SYCP1: variants seen among roughly 807,000 people sequenced by gnomAD.
The protein encoded by SYCP1 is synaptonemal complex protein 1.
SYCP1 carries 64 observed loss-of-function variants against 153.1 expected under a neutral mutation model. The observed-to-expected ratio is 0.42, with a 90% confidence interval of 0.34 to 0.51. The LOEUF (loss-of-function observed/expected upper bound fraction) is 0.51, where lower values mean the gene tolerates loss of function less well. Among genes scored for constraint, SYCP1 ranks in the 20% least tolerant of loss-of-function variants. SYCP1 has a pLI of 0.06. For missense variants in SYCP1, 997 were observed against 1,049.0 expected (o/e 0.95, Z 0.68); for synonymous variants, 384 against 341.8 (o/e 1.12, Z -1.36).
intron 8 of SYCP1, among the ~76,000 whole-genome samples, chr1:114,867,888 A>G (rs1043047156): frequency 2.0e-5 from 3 of 152,062 alleles, no homozygotes; most frequent in Non-Finnish European, 4.4e-5. Context: ...GATATTAGCT[A>G]TAGGTTTCTG....
chr1:114,989,309 T>C (rs1673749192), intron 30 of SYCP1, among the ~76,000 whole-genome samples: 1 of 152,012 alleles, frequency 6.6e-6, no homozygotes. Flanking sequence ...GGAAGTTAAA[T>C]GTAATCTCCA....
intron 11 of SYCP1, among the ~76,000 whole-genome samples, chr1:114,877,763 C>T (rs1665640232): frequency 6.6e-6 from 1 of 152,114 alleles, no homozygotes. Flanking sequence ...CATTCTGGAG[C>T]TGAATTGGGC....
At position 114,957,327 on chromosome 1, in the gene SYCP1, C is replaced by A. The variant is rs1436336742; in HGVS notation, c.2322+10007C>A. ...GTTTACTTAGATGTAAGACCTGAAA[C>A]TATGAAATTACTGAAAGAAAACACT... is the stretch of plus-strand genomic sequence containing the variant. On this transcript the variant is annotated intron_variant, in intron 27 of 31. Coordinates refer to ENST00000369522, the MANE Select transcript of SYCP1 (RefSeq NM_003176.4). 3.9e-5 allele frequency among the ~76,000 whole-genome samples: 6 copies of A among 152,130 alleles called. No individual in the cohort carries two copies. The East Asian group carries it at 1.2e-3, about 29-fold the overall frequency.
intron 27 of SYCP1, among the ~76,000 whole-genome samples, chr1:114,956,477 C>T (rs1180297833): frequency 6.6e-6 from 1 of 152,194 alleles, no homozygotes; most frequent in Admixed American, 6.5e-5. Context: ...TGTGTTCTCT[C>T]AGCCACCAAG....
intron 23 of SYCP1, among the ~76,000 whole-genome samples, chr1:114,944,105 A>G (rs192731559): frequency 1.3e-5 from 2 of 151,934 alleles, no homozygotes; most frequent in African/African-American, 4.8e-5. Flanking sequence ...AAATAAATGC[A>G]TGGGTGTTTA....
intron 23 of SYCP1, among the ~76,000 whole-genome samples, chr1:114,935,164 A>G (rs1021169858): frequency 6.6e-6 from 1 of 152,100 alleles, no homozygotes; most frequent in Admixed American, 6.6e-5. Flanking sequence ...GAAGTAAAGC[A>G]CTCCTCAGCA....
At chr1:114,988,362 C>G (rs1156441511) in intron 30 of SYCP1, among the ~76,000 whole-genome samples, 4 of 151,894 alleles carry the variant, frequency 2.6e-5, no homozygotes, top group Non-Finnish European at 5.9e-5. Context: ...CCCATCAAGA[C>G]ATTTTATAAT....
intron 30 of SYCP1, among the ~76,000 whole-genome samples, chr1:114,985,653 A>G (rs57710787): frequency 6.6e-6 from 1 of 151,892 alleles, no homozygotes; most frequent in African/African-American, 2.4e-5. Flanking sequence ...TTCTGGAATA[A>G]TGAGTAGTTG....
chr1:114,931,182 T>G (rs1298179935), intron 23 of SYCP1, among the ~76,000 whole-genome samples: 1 of 152,066 alleles, frequency 6.6e-6, no homozygotes, highest in Non-Finnish European at 1.5e-5. Context: ...TCCTATTTAC[T>G]GATGAAAGGC....
intron 20 of SYCP1, among the ~76,000 whole-genome samples, chr1:114,914,663 T>C (rs142208948): frequency 0.048 from 7,355 of 152,234 alleles, 205 homozygotes; most frequent in Middle Eastern, 0.075. Context: ...TTGGCTCTCC[T>C]CTTTTCCTTG....
chr1:114,908,435 A>G (rs1667961220), intron 16 of SYCP1, among the ~76,000 whole-genome samples: 1 of 152,102 alleles, frequency 6.6e-6, no homozygotes, highest in South Asian at 2.1e-4. Flanking sequence ...GGCCATTTAA[A>G]TATTTTTCTG....
rs1281878880 is a variant in SYCP1, at chr1:114,984,765, A to G, written c.2600A>G (p.Gln867Arg). The part of the protein sequence containing the change: ...VKTPTKPKLQ[Q>R]RENLNIPIEE... ...ACACCAACAAAACCAAAACTACAGCAAAGAGAAAACTTGAATATACCCATT... is the reference window on the plus strand; with the variant it reads ...ACACCAACAAAACCAAAACTACAGCGAAGAGAAAACTTGAATATACCCATT... Residue 867 changes from glutamine (Q) to arginine (R), a missense_variant, in exon 30 of 32, where the codon CAA becomes CGA. Coordinates refer to ENST00000369522, the MANE Select transcript of SYCP1 (RefSeq NM_003176.4). 1 of 1,504,844 alleles carries G rather than the reference A, an allele frequency of 6.6e-7. No individual in the cohort carries two copies. The allele number at this position is 1,504,844 out of a possible 1,614,324, so 93.2% of individuals were successfully genotyped here.
chr1:114,854,615 A>G (rs1295372740), upstream of SYCP1, among the ~76,000 whole-genome samples: 1 of 152,142 alleles, frequency 6.6e-6, no homozygotes, highest in Non-Finnish European at 1.5e-5. Context: ...TTTCCTTCCT[A>G]AGATTGTGAC....
chr1:114,913,903 G>T lies in SYCP1; in HGVS notation c.1648-72G>T. 4 of 1,133,186 alleles carry T rather than the reference G, an allele frequency of 3.5e-6. No homozygotes were observed. The South Asian group carries it at 4.9e-5, about 14-fold the overall frequency. 70.2% of individuals were successfully genotyped at this position (1,133,186 alleles called of 1,614,324 possible). On this transcript the variant is annotated intron_variant, in intron 19 of 31. Transcript: ENST00000369522. ...ATAAATTTTATGCTGATAGATAAAGGTCTTAAATAGTAGTTTAAATTTTAT... is the reference window on the plus strand; with the variant it reads ...ATAAATTTTATGCTGATAGATAAAGTTCTTAAATAGTAGTTTAAATTTTAT...
At chr1:114,972,658 C>A (rs753809685) in intron 27 of SYCP1, among the ~76,000 whole-genome samples, 1 of 152,096 alleles carries the variant, frequency 6.6e-6, no homozygotes, top group Admixed American at 6.6e-5. Flanking sequence ...CTCTTTGACC[C>A]ACTGGTCATT....
rs930349491 is a variant in SYCP1, at chr1:114,888,657, C to T, written c.1258+964C>T. On this transcript the variant is annotated intron_variant, in intron 15 of 31. Coordinates refer to ENST00000369522, the MANE Select transcript of SYCP1 (RefSeq NM_003176.4). ...ACCATTCCATTTTTTATTCTTCCTT[C>T]GAGCATAAAATAGTGTTTTAAATCA... Among the ~76,000 whole-genome samples the T allele has an allele frequency of 2.0e-5, 3 of 151,720 alleles. No homozygotes were observed. The South Asian group carries it at 6.3e-4, about 32-fold the overall frequency.
intron 27 of SYCP1, among the ~76,000 whole-genome samples, chr1:114,953,153 A>G (rs1671215619): frequency 6.6e-6 from 1 of 152,234 alleles, no homozygotes; most frequent in South Asian, 2.1e-4. Context: ...CAAATGTCCT[A>G]CTTCCTAACA....
At chr1:114,994,603 T>C (rs549562596) in intron 30 of SYCP1, 95 bp from the exon 31 acceptor site, 1 of 898,386 alleles carries the variant, frequency 1.1e-6, no homozygotes, top group East Asian at 3.0e-5. Context: ...CTTTCTACTC[T>C]TTGTTCTCCT....
chr1:114,951,959 T>C (rs1008220514), intron 27 of SYCP1, among the ~76,000 whole-genome samples: 7 of 152,244 alleles, frequency 4.6e-5, no homozygotes, highest in African/African-American at 7.2e-5. Flanking sequence ...CCTGAGTATA[T>C]AGAAAGTTGG....
Sources: gnomAD v4.1 joint callset for allele counts (sites outside exome capture counted in the v4.1 genomes callset) on GRCh38, gnomAD v4.1.1 for gene constraint, MANE v1.5 for transcripts, NCBI Gene and HGNC (gene_info 2026-07-23, HGNC 2026-07-21) for gene names.